GRID2: variants seen among roughly 807,000 people sequenced by gnomAD.
GRID2 encodes glutamate receptor ionotropic, delta-2.
In GRID2, 33 loss-of-function variants were observed where a neutral mutation model predicts 114.8. That is an observed-to-expected ratio of 0.29 (90% CI 0.22 to 0.38). The LOEUF (loss-of-function observed/expected upper bound fraction) is 0.38. Ranked by LOEUF, GRID2 falls within the 10% of genes least tolerant of loss-of-function variation. GRID2 has a pLI of 1.00. For missense variants in GRID2, 1,184 were observed against 1,257.7 expected (o/e 0.94, Z 0.89); for synonymous variants, 505 against 449.9 (o/e 1.12, Z -1.55).
chr4:93,309,368 C>T (rs1755769672), intron 8 of GRID2, among the ~76,000 whole-genome samples: 1 of 152,008 alleles, frequency 6.6e-6, no homozygotes, highest in Admixed American at 6.6e-5. Flanking sequence ...AACCCTGTCT[C>T]TGTTAAAATT....
At chr4:93,704,672 T>A (rs964448499) in intron 14 of GRID2, among the ~76,000 whole-genome samples, 1 of 152,168 alleles carries the variant, frequency 6.6e-6, no homozygotes, top group Non-Finnish European at 1.5e-5. Context: ...CGTTTTCATT[T>A]TTAGCTCCCA....
chr4:93,648,093 A>C (rs1228505300), intron 14 of GRID2, among the ~76,000 whole-genome samples: 1 of 152,178 alleles, frequency 6.6e-6, no homozygotes, highest in East Asian at 1.9e-4. Context: ...AGTTTGCTCT[A>C]GTTAAATGAA....
chr4:93,349,942 C>A (rs1760633010), intron 8 of GRID2, among the ~76,000 whole-genome samples: 1 of 151,948 alleles, frequency 6.6e-6, no homozygotes, highest in African/African-American at 2.4e-5. Context: ...ATTTATGTTT[C>A]TTTAAAAATA....
At chr4:92,326,550 A>G (rs1726607042) in intron 1 of GRID2, among the ~76,000 whole-genome samples, 1 of 151,932 alleles carries the variant, frequency 6.6e-6, no homozygotes. Context: ...TAAAGTGAAA[A>G]TGACTACATC....
chr4:93,460,262 C>G (rs935022242), intron 11 of GRID2, among the ~76,000 whole-genome samples: 1 of 152,176 alleles, frequency 6.6e-6, no homozygotes, highest in Admixed American at 6.5e-5. Context: ...CTGTCCAACA[C>G]TCAGTTCTCA....
chr4:92,889,569 G>A (rs192818021), intron 2 of GRID2, among the ~76,000 whole-genome samples: 1 of 152,246 alleles, frequency 6.6e-6, no homozygotes, highest in Admixed American at 6.5e-5. Flanking sequence ...TACACAGGAT[G>A]TGACAGTCCT....
chr4:93,600,877 C>A (rs112332920), intron 13 of GRID2, among the ~76,000 whole-genome samples: 5,345 of 152,242 alleles, frequency 0.035, 105 homozygotes, highest in African/African-American at 0.051. Flanking sequence ...TTGGCTGTAT[C>A]TGAAAAGCAT....
Position 92,812,858 on chromosome 4 carries a change from T to G in GRID2, c.244+222572T>G, listed in dbSNP as rs547115601. Among the ~76,000 whole-genome samples the G allele has an allele frequency of 3.9e-5, 6 of 152,272 alleles. No homozygotes were observed. The East Asian group carries it at 1.2e-3, about 29-fold the overall frequency. On this transcript the variant is annotated intron_variant, in intron 2 of 15. Transcript: ENST00000282020. ...GGTGTTGCTTGAAGTTTCCTTCTAC[T>G]TGACAGGTGTCTGACAGTTCAGTCT... is the stretch of plus-strand genomic sequence containing the variant.
At chr4:93,233,335 A>ATTT (rs1210273655) in intron 7 of GRID2, among the ~76,000 whole-genome samples, 3 of 104,576 alleles carry the variant, frequency 2.9e-5, no homozygotes, top group Admixed American at 9.9e-5. Context: ...TATTATTATT[A>ATTT]TTTTTTTTTT....
chr4:93,692,403 A>G (rs2110117439), intron 14 of GRID2, among the ~76,000 whole-genome samples: 1 of 152,308 alleles, frequency 6.6e-6, no homozygotes, highest in South Asian at 2.1e-4. Context: ...TCATGGGGGT[A>G]TTATGAGGAT....
chr4:92,613,120 T>C (rs1237721923), intron 2 of GRID2, among the ~76,000 whole-genome samples: 3 of 151,426 alleles, frequency 2.0e-5, no homozygotes, highest in African/African-American at 7.3e-5. Flanking sequence ...TTGTTGAGGG[T>C]TTCTAATCAT....
At chr4:92,647,830 C>G (rs1731725641) in intron 2 of GRID2, among the ~76,000 whole-genome samples, 11 of 149,672 alleles carry the variant, frequency 7.3e-5, no homozygotes, top group Admixed American at 7.3e-4. Context: ...CAGTTTCACT[C>G]TGGAACCAAT....
chr4:93,242,902 A>G (rs1004394960), intron 8 of GRID2, among the ~76,000 whole-genome samples: 6 of 152,032 alleles, frequency 3.9e-5, no homozygotes, highest in African/African-American at 1.2e-4. Flanking sequence ...AATCTCTGCT[A>G]TTAAAATGAT....
rs978843865 is a variant in GRID2, at chr4:92,734,761, C to CT, written c.244+144483dup. On this transcript the variant is annotated intron_variant, in intron 2 of 15. Transcript: ENST00000282020. ...TTATTGTACATTGATGGTTATATTT[C>CT]TTTTTTTTAGTTTTTTTTTTCTTTT... 3.2e-4 allele frequency among the ~76,000 whole-genome samples: 46 copies of CT among 145,526 alleles called. No homozygotes were observed. In the East Asian group the frequency reaches 8.1e-3, roughly 26 times the overall value.
At chr4:92,727,068 T>G (rs1441034537) in intron 2 of GRID2, among the ~76,000 whole-genome samples, 1 of 152,098 alleles carries the variant, frequency 6.6e-6, no homozygotes, top group African/African-American at 2.4e-5. Flanking sequence ...AGTTATCTAA[T>G]AACATATCTT....
intron 8 of GRID2, among the ~76,000 whole-genome samples, chr4:93,354,519 T>G (rs1761120168): frequency 6.6e-6 from 1 of 151,846 alleles, no homozygotes; most frequent in South Asian, 2.1e-4. Context: ...GGACAAAGAT[T>G]ATACATTACC....
intron 1 of GRID2, among the ~76,000 whole-genome samples, chr4:92,576,972 C>T (rs1285320958): frequency 2.0e-5 from 3 of 152,142 alleles, no homozygotes; most frequent in Admixed American, 6.6e-5. Context: ...TGATTACTTT[C>T]AAATATATGT....
chr4:92,900,702 C>G (rs1747504931), intron 2 of GRID2, among the ~76,000 whole-genome samples: 2 of 152,054 alleles, frequency 1.3e-5, no homozygotes, highest in Non-Finnish European at 2.9e-5. Flanking sequence ...GGCGTGGTGG[C>G]ATGTGCCTGT....
At chr4:93,226,755 G>T (rs1176319655) in intron 7 of GRID2, among the ~76,000 whole-genome samples, 1 of 152,204 alleles carries the variant, frequency 6.6e-6, no homozygotes, top group Non-Finnish European at 1.5e-5. Flanking sequence ...CGGGCTCTCT[G>T]TGGTGGTTTG....
Sources: allele counts gnomAD v4.1 joint callset (sites outside exome capture counted in the v4.1 genomes callset), GRCh38; gene constraint gnomAD v4.1.1; transcripts MANE v1.5; gene names NCBI Gene and HGNC (gene_info 2026-07-23, HGNC 2026-07-21).